Variants in GABRG3 observed in about 807,000 individuals in gnomAD.
GABRG3 encodes gamma-aminobutyric acid type A receptor subunit gamma3.
In GABRG3, 25 loss-of-function variants were observed where a neutral mutation model predicts 48.8. That is an observed-to-expected ratio of 0.51 (90% confidence interval 0.37 to 0.72). The LOEUF is 0.72. Among genes scored for constraint, GABRG3 ranks in the 30% least tolerant of loss-of-function variants. The pLI is 0.00. For missense variants in GABRG3, 394 were observed against 577.9 expected, an observed-to-expected ratio of 0.68 and a Z score of 3.26; for synonymous variants, 227 against 217.6, an observed-to-expected ratio of 1.04 and a Z score of -0.38.
chr15:27,050,177 T>G (rs1003477876), intron 3 of GABRG3, among the ~76,000 whole-genome samples: 1 of 152,216 alleles, frequency 6.6e-6, no homozygotes, highest in African/African-American at 2.4e-5. Flanking sequence ...TGGACTGAGA[T>G]AGTCTCCACA....
intron 2 of GABRG3, among the ~76,000 whole-genome samples, chr15:26,997,215 AT>A (rs1482398602): frequency 4.0e-5 from 6 of 151,856 alleles, no homozygotes; most frequent in Non-Finnish European, 8.8e-5. Flanking sequence ...GTTTCATAAG[AT>A]TTTGTTATCA....
chr15:27,483,705 C>G (rs1227887485), intron 6 of GABRG3, among the ~76,000 whole-genome samples: 5 of 152,210 alleles, frequency 3.3e-5, no homozygotes, highest in African/African-American at 4.8e-5. Flanking sequence ...GCTAGGCTAA[C>G]TTAATGAGTA....
chr15:27,524,273 C>T (rs1891224389), intron 7 of GABRG3, among the ~76,000 whole-genome samples: 1 of 151,826 alleles, frequency 6.6e-6, no homozygotes, highest in African/African-American at 2.4e-5. Flanking sequence ...AATTCTATAC[C>T]CAATGAGAGT....
At chr15:27,514,090 G>GA in intron 6 of GABRG3, among the ~76,000 whole-genome samples, 1 of 152,288 alleles carries the variant, frequency 6.6e-6, no homozygotes, top group East Asian at 1.9e-4. Flanking sequence ...CAGTGTTTAT[G>GA]AAAAATTTTT....
chr15:27,043,618 C>T (rs908052016), intron 3 of GABRG3, among the ~76,000 whole-genome samples: 1 of 152,176 alleles, frequency 6.6e-6, no homozygotes, highest in Non-Finnish European at 1.5e-5. Context: ...CTCCTCTGCT[C>T]AGCTCGCTGG....
At chr15:27,074,831 G>A (rs961315098) in intron 3 of GABRG3, among the ~76,000 whole-genome samples, 1 of 152,094 alleles carries the variant, frequency 6.6e-6, no homozygotes, top group Non-Finnish European at 1.5e-5. Context: ...AAAGCGAATC[G>A]AAGGAAGTGA....
intron 5 of GABRG3, among the ~76,000 whole-genome samples, chr15:27,343,101 C>T (rs186150728): frequency 4.0e-4 from 61 of 152,300 alleles, no homozygotes; most frequent in Non-Finnish European, 5.4e-4. Context: ...CTGCCCTTCG[C>T]GGTGGCTCAT....
chr15:27,099,424 G>C (rs930860491), intron 3 of GABRG3, among the ~76,000 whole-genome samples: 1 of 152,036 alleles, frequency 6.6e-6, no homozygotes, highest in Non-Finnish European at 1.5e-5. Context: ...CTGTGTCTTC[G>C]CATGGTTTCC....
At chr15:27,349,912 T>C (rs1007374624) in intron 5 of GABRG3, among the ~76,000 whole-genome samples, 6 of 148,528 alleles carry the variant, frequency 4.0e-5, no homozygotes, top group African/African-American at 1.2e-4. Flanking sequence ...CATACCTGAC[T>C]GCATCCTTTA....
At chr15:27,297,154 G>A (rs1032223975) in intron 3 of GABRG3, among the ~76,000 whole-genome samples, 2 of 152,110 alleles carry the variant, frequency 1.3e-5, no homozygotes, top group Non-Finnish European at 2.9e-5. Flanking sequence ...AATCGTTTTT[G>A]TATAGTAGTA....
At chr15:27,458,933 C>T (rs1489879891) in intron 5 of GABRG3, among the ~76,000 whole-genome samples, 4 of 152,330 alleles carry the variant, frequency 2.6e-5, no homozygotes, top group Middle Eastern at 3.4e-3. Context: ...GTCCCGTCTC[C>T]GGCACATTCT....
chr15:27,141,036 T>C (rs1898092933), intron 3 of GABRG3, among the ~76,000 whole-genome samples: 2 of 152,308 alleles, frequency 1.3e-5, no homozygotes, highest in East Asian at 3.9e-4. Flanking sequence ...TGTTCTGTGG[T>C]TCCCTATACA....
rs1566774679 is a variant in GABRG3 at position 27,308,587 on chromosome 15, T to TGTTTATATAAACATAATGTAAACATACGC, written c.271-18222_271-18221insGTTTATATAAACATAATGTAAACATACGC. ...TATATAAACATAATGTAAACATACA[T>TGTTTATATAAACATAATGTAAACATACGC]TTATATATAAACATAATGTAAACAT... is the stretch of plus-strand genomic sequence containing the variant. On this transcript the variant is annotated intron_variant, in intron 3 of 9. Coordinates refer to ENST00000615808, the MANE Select transcript of GABRG3 (RefSeq NM_033223.5). Among the ~76,000 whole-genome samples, 4 of 145,906 alleles carry TGTTTATATAAACATAATGTAAACATACGC rather than the reference T, an allele frequency of 2.7e-5. No homozygotes were observed. In the East Asian group the frequency reaches 8.5e-4, roughly 31 times the overall value.
Position 27,236,627 on chromosome 15 carries a change from C to T in GABRG3, c.271-90182C>T, listed in dbSNP as rs559433291. ...CCTCAGCGTGACAGCCCACCAGTTT[C>T]ACAATACACCTGTTCCTGATTAGAG... On this transcript the variant is annotated intron_variant, in intron 3 of 9. Coordinates refer to ENST00000615808, the MANE Select transcript of GABRG3 (RefSeq NM_033223.5). This position sits in a 1 kb window ranked among gnomAD's most constrained non-coding sequence, Gnocchi z 4.4. 2.0e-5 allele frequency among the ~76,000 whole-genome samples: 3 copies of T among 152,278 alleles called. No homozygotes were observed. In the East Asian group the frequency reaches 5.8e-4, roughly 29 times the overall value.
At chr15:27,405,816 T>C (rs13379521) in intron 5 of GABRG3, among the ~76,000 whole-genome samples, 25,851 of 151,220 alleles carry the variant, frequency 0.17, 2,867 homozygotes, top group African/African-American at 0.32. Flanking sequence ...TAAAATAAAC[T>C]GGGACTCCTT....
intron 3 of GABRG3, among the ~76,000 whole-genome samples, chr15:27,114,621 A>G (rs925556223): frequency 6.6e-6 from 1 of 152,362 alleles, no homozygotes; most frequent in African/African-American, 2.4e-5. Context: ...AAAAATAGTC[A>G]TGAAAGTAGC....
intron 4 of GABRG3, among the ~76,000 whole-genome samples, chr15:27,328,271 C>G (rs182316032): frequency 1.4e-5 from 2 of 139,852 alleles, no homozygotes; most frequent in African/African-American, 5.8e-5. Flanking sequence ...CAAGCCAGGG[C>G]GAAGACCTGG....
At chr15:27,381,801 A>C (rs1384879943) in intron 5 of GABRG3, among the ~76,000 whole-genome samples, 2 of 152,152 alleles carry the variant, frequency 1.3e-5, no homozygotes, top group South Asian at 2.1e-4. Flanking sequence ...TGGTGATTTC[A>C]GCTTTTTCCC....
intron 3 of GABRG3, among the ~76,000 whole-genome samples, chr15:27,044,399 T>TAA (rs113638703): frequency 2.0e-5 from 3 of 151,522 alleles, no homozygotes; most frequent in Non-Finnish European, 4.4e-5. Flanking sequence ...AGGTATTGAC[T>TAA]AAAAGAAAAT....
Sources: gnomAD v4.1 joint callset for allele counts (sites outside exome capture counted in the v4.1 genomes callset) on GRCh38, gnomAD v4.1.1 for gene constraint, Gnocchi (gnomAD v3.1) non-coding constraint, MANE v1.5 for transcripts, NCBI Gene and HGNC (gene_info 2026-07-23, HGNC 2026-07-21) for gene names.